SLC25A48: variants seen among roughly 807,000 people sequenced by gnomAD.
SLC25A48 encodes solute carrier family 25 member 48, also known as CTC-321K16.1.
A neutral mutation model predicts 32.2 loss-of-function variants in SLC25A48; 29 were observed. That is an observed-to-expected ratio of 0.90 (90% CI 0.67 to 1.23). The LOEUF is 1.23. SLC25A48 is among the 50% of genes most tolerant of loss of function. SLC25A48 has a pLI of 0.00. For missense variants in SLC25A48, 399 were observed against 422.7 expected (o/e 0.94, Z 0.49); for synonymous variants, 164 against 172.3 (o/e 0.95, Z 0.38).
chr5:135,787,077 A>G (rs977478765), intron 3 of SLC25A48, among the ~76,000 whole-genome samples: 1 of 152,040 alleles, frequency 6.6e-6, no homozygotes, highest in Non-Finnish European at 1.5e-5. Flanking sequence ...ACCCTGTGGT[A>G]TTATTCGTAG....
intron 3 of SLC25A48, among the ~76,000 whole-genome samples, chr5:135,753,791 G>A (rs753903887): frequency 2.0e-5 from 3 of 151,804 alleles, no homozygotes; most frequent in Non-Finnish European, 4.4e-5. Context: ...TATTAGCAGT[G>A]TGATACCGCA....
At chr5:135,627,997 T>G (rs1752476760) in intron 1 of SLC25A48, among the ~76,000 whole-genome samples, 1 of 152,140 alleles carries the variant, frequency 6.6e-6, no homozygotes, top group Non-Finnish European at 1.5e-5. Flanking sequence ...TGCTGAGGCA[T>G]GCACACAGGT....
chr5:135,785,759 AT>A (rs1756827131), intron 3 of SLC25A48, among the ~76,000 whole-genome samples: 1 of 130,468 alleles, frequency 7.7e-6, no homozygotes, highest in Non-Finnish European at 1.7e-5. Context: ...GGGGTGAAAC[AT>A]CCCGCTTGCC....
intron 3 of SLC25A48, among the ~76,000 whole-genome samples, chr5:135,767,797 T>A (rs1328259030): frequency 1.3e-5 from 2 of 151,796 alleles, no homozygotes; most frequent in Non-Finnish European, 2.9e-5. Flanking sequence ...TCTGTGATAT[T>A]GTTCATAATA....
At chr5:135,871,088 C>G (rs999382479) in intron 4 of SLC25A48, among the ~76,000 whole-genome samples, 1 of 129,008 alleles carries the variant, frequency 7.8e-6, no homozygotes, top group Non-Finnish European at 1.8e-5. Context: ...CACACACACA[C>G]ACACACACAC....
chr5:135,805,118 A>T (rs1357488858), intron 3 of SLC25A48, among the ~76,000 whole-genome samples: 2 of 150,888 alleles, frequency 1.3e-5, no homozygotes, highest in Non-Finnish European at 3.0e-5. Context: ...GGGAGATATT[A>T]CTCCTAATAT....
intron 4 of SLC25A48, among the ~76,000 whole-genome samples, chr5:135,865,720 A>G (rs1761143517): frequency 6.6e-6 from 1 of 152,184 alleles, no homozygotes; most frequent in African/African-American, 2.4e-5. Flanking sequence ...AAACAGTAGC[A>G]ACAGAGGCAA....
intron 4 of SLC25A48, among the ~76,000 whole-genome samples, chr5:135,856,097 G>A (rs1452641755): frequency 1.3e-5 from 2 of 152,178 alleles, no homozygotes; most frequent in Non-Finnish European, 2.9e-5. Context: ...TGCAGTGGTA[G>A]GAGACGTATT....
At chr5:135,814,173 A>G (rs1024685690) in intron 4 of SLC25A48, among the ~76,000 whole-genome samples, 2 of 152,192 alleles carry the variant, frequency 1.3e-5, no homozygotes, top group Non-Finnish European at 2.9e-5. Flanking sequence ...CATGAGCACC[A>G]TTGCCATGGA....
intron 3 of SLC25A48, among the ~76,000 whole-genome samples, chr5:135,690,181 T>C (rs1368177962): frequency 6.6e-6 from 1 of 152,224 alleles, no homozygotes; most frequent in Non-Finnish European, 1.5e-5. Context: ...TGCCTCCGTC[T>C]TCTTATCTGC....
At chr5:135,618,022 G>A (rs200650181) in intron 1 of SLC25A48, among the ~76,000 whole-genome samples, 3 of 151,356 alleles carry the variant, frequency 2.0e-5, no homozygotes, top group South Asian at 2.1e-4. Flanking sequence ...GGGATTTGTC[G>A]CCCAAGTATT....
At chr5:135,727,286 T>TAC (rs58525226) in intron 3 of SLC25A48, among the ~76,000 whole-genome samples, 4 of 151,308 alleles carry the variant, frequency 2.6e-5, no homozygotes, top group African/African-American at 9.7e-5. Context: ...TATATGTATG[T>TAC]ACACACACAC....
intron 3 of SLC25A48, among the ~76,000 whole-genome samples, chr5:135,783,445 G>C (rs1406660519): frequency 3.5e-5 from 4 of 115,540 alleles, no homozygotes; most frequent in African/African-American, 1.1e-4. Flanking sequence ...CAGGGGAAAA[G>C]AGCATGATAT....
rs376489052 is a variant in SLC25A48 at position 135,791,121 on chromosome 5, A to T, written c.-520-21402A>T. On this transcript the variant is annotated intron_variant, in intron 3 of 10. Coordinates refer to the SLC25A48 transcript ENST00000646290. ...AGTGGTTGTACAGCCTGTGTGTACA[A>T]CCTGTGATACTGCTTGTAATATCCT... Among the ~76,000 whole-genome samples the T allele has an allele frequency of 4.6e-4, 70 of 151,740 alleles. 1 individual carries two copies. The South Asian group carries it at 0.014, about 31-fold the overall frequency.
chr5:135,749,932 T>C (rs971888332), intron 3 of SLC25A48, among the ~76,000 whole-genome samples: 2 of 152,244 alleles, frequency 1.3e-5, no homozygotes, highest in African/African-American at 2.4e-5. Flanking sequence ...GACTCTGTTC[T>C]TGGGACACTT....
intron 3 of SLC25A48, among the ~76,000 whole-genome samples, chr5:135,678,840 T>C (rs1477559828): frequency 6.6e-6 from 1 of 152,104 alleles, no homozygotes; most frequent in Non-Finnish European, 1.5e-5. Flanking sequence ...GCTTAGGGTG[T>C]GGTTGTTAGT....
chr5:135,695,168 C>T (rs1173053723), intron 3 of SLC25A48, among the ~76,000 whole-genome samples: 1 of 152,154 alleles, frequency 6.6e-6, no homozygotes. Context: ...TCTTGTCATT[C>T]ATGAGTCAAC....
At chr5:135,590,312 C>T (rs146687984) in intron 1 of SLC25A48, among the ~76,000 whole-genome samples, 2 of 152,310 alleles carry the variant, frequency 1.3e-5, no homozygotes, top group Non-Finnish European at 2.9e-5. Context: ...CTGAGCAAAG[C>T]CTGCCTGGGT....
intron 3 of SLC25A48, among the ~76,000 whole-genome samples, chr5:135,703,404 T>C (rs1215447784): frequency 6.6e-6 from 1 of 152,200 alleles, no homozygotes; most frequent in African/African-American, 2.4e-5. Context: ...TGCCTTTTCT[T>C]ACCTTCTGAG....
Sources: gnomAD v4.1 joint callset for allele counts (sites outside exome capture counted in the v4.1 genomes callset) on GRCh38, gnomAD v4.1.1 for gene constraint, MANE v1.5 for transcripts, NCBI Gene and HGNC (gene_info 2026-07-23, HGNC 2026-07-21) for gene names.